Variants in FNIP2 observed in about 807,000 individuals in gnomAD.
FNIP2 encodes the protein folliculin interacting protein 2.
A neutral mutation model predicts 108.7 loss-of-function variants in FNIP2; 32 were observed. The observed-to-expected ratio is 0.29, with a 90% CI of 0.22 to 0.40. FNIP2 has a LOEUF of 0.40. FNIP2 is among the 10% of genes least tolerant of loss of function. The pLI, the probability that FNIP2 is intolerant of heterozygous loss-of-function variation, is 1.00. For synonymous variants in FNIP2, 480 were observed against 496.7 expected (o/e 0.97, Z 0.45); for missense variants, 1,202 against 1,381.6 (o/e 0.87, Z 2.06).
At chr4:158,780,164 C>T (rs916098776) in intron 1 of FNIP2, among the ~76,000 whole-genome samples, 20 of 151,476 alleles carry the variant, frequency 1.3e-4, no homozygotes, top group Non-Finnish European at 1.8e-4. Context: ...GCCATGATCG[C>T]ACCACTGTAC....
chr4:158,898,600 A>G (rs144446751), intron 16 of FNIP2, among the ~76,000 whole-genome samples: 47 of 152,266 alleles, frequency 3.1e-4, no homozygotes, highest in East Asian at 1.9e-3. Flanking sequence ...CTTTGTAGCA[A>G]TTGTGAATAG....
At position 158,859,672 on chromosome 4, in the gene FNIP2, G is replaced by C. The variant is rs754179597; in HGVS notation, c.1148+6G>C. 8 of 1,611,694 alleles carry C rather than the reference G, an allele frequency of 5.0e-6. No individual in the cohort carries two copies. Among genetic ancestry groups the C allele is most frequent in the Non-Finnish European group, 6.8e-6 (8 of 1,178,690 alleles). On this transcript the variant is annotated splice_donor_region_variant and intron_variant, in intron 10 of 16. Transcript: ENST00000264433. ...GAAGCTCTGGGAGAATTCAGGTAAA[G>C]TGGCAAAGTTTGGCAAATCCAACAG...
chr4:158,872,530 G>T, intron 14 of FNIP2: 1 of 985,358 alleles, frequency 1.0e-6, no homozygotes, highest in Non-Finnish European at 1.2e-6. Flanking sequence ...GTGTCAAATT[G>T]TGGGTACATC....
intron 3 of FNIP2, among the ~76,000 whole-genome samples, chr4:158,831,618 A>C (rs886352534): frequency 3.9e-5 from 6 of 152,214 alleles, no homozygotes; most frequent in Non-Finnish European, 7.3e-5. Context: ...ATGAACTCTA[A>C]TAAAACACTT....
chr4:158,871,575 G>A (rs1780950867), intron 14 of FNIP2: 1 of 985,162 alleles, frequency 1.0e-6, no homozygotes, highest in African/African-American at 1.7e-5. Context: ...TCCCTCAATG[G>A]GGAGGGCTAA....
At chr4:158,871,559 A>C (rs1780949837) in intron 14 of FNIP2, 2 of 985,258 alleles carry the variant, frequency 2.0e-6, no homozygotes, top group African/African-American at 3.5e-5. Flanking sequence ...AGATGTCAAC[A>C]TAACCTCCCT....
At chr4:158,862,666 G>A (rs138017972) in intron 12 of FNIP2, among the ~76,000 whole-genome samples, 3 of 152,318 alleles carry the variant, frequency 2.0e-5, no homozygotes, top group Non-Finnish European at 4.4e-5. Flanking sequence ...ACAAAGAAAT[G>A]ATAAAAGTTT....
At chr4:158,867,572 G>C (rs1193443499) in intron 12 of FNIP2, among the ~76,000 whole-genome samples, 1 of 152,196 alleles carries the variant, frequency 6.6e-6, no homozygotes, top group Non-Finnish European at 1.5e-5. Context: ...TAATCAAGCT[G>C]ATTCTACTTG....
intron 16 of FNIP2, among the ~76,000 whole-genome samples, chr4:158,901,508 G>A (rs997588261): frequency 1.3e-5 from 2 of 152,024 alleles, no homozygotes; most frequent in African/African-American, 4.8e-5. Context: ...GGTGTTCTCT[G>A]TATTTCCTGA....
intron 7 of FNIP2, among the ~76,000 whole-genome samples, chr4:158,839,605 C>T (rs1402602692): frequency 6.6e-6 from 1 of 152,070 alleles, no homozygotes; most frequent in Admixed American, 6.6e-5. Flanking sequence ...TGGGCTCAAG[C>T]AATTTTCCCA....
At chr4:158,863,943 T>G (rs528502472) in intron 12 of FNIP2, among the ~76,000 whole-genome samples, 1 of 152,352 alleles carries the variant, frequency 6.6e-6, no homozygotes, top group South Asian at 2.1e-4. Context: ...CTCAGAAGTT[T>G]ACATTGTATT....
chr4:158,866,670 G>T (rs1369204546), intron 12 of FNIP2, among the ~76,000 whole-genome samples: 1 of 151,834 alleles, frequency 6.6e-6, no homozygotes, highest in Non-Finnish European at 1.5e-5. Flanking sequence ...CTGCCTCCCG[G>T]GTTCAAGTTA....
chr4:158,786,228 T>C (rs1776219757), intron 1 of FNIP2, among the ~76,000 whole-genome samples: 1 of 152,226 alleles, frequency 6.6e-6, no homozygotes, highest in Non-Finnish European at 1.5e-5. Flanking sequence ...AAAAGACCAC[T>C]CTGTTTATAT....
At chr4:158,879,488 C>T (rs901841553) in intron 14 of FNIP2, among the ~76,000 whole-genome samples, 2 of 150,246 alleles carry the variant, frequency 1.3e-5, no homozygotes, top group African/African-American at 5.0e-5. Context: ...ACTGAAGCCC[C>T]TTTCGCTGAT....
intron 14 of FNIP2, chr4:158,890,437 A>C (rs981767817): frequency 2.4e-6 from 2 of 824,228 alleles, no homozygotes; most frequent in Non-Finnish European, 2.9e-6. Flanking sequence ...GTGAGAAGGA[A>C]TACAAAGCTG....
intron 1 of FNIP2, among the ~76,000 whole-genome samples, chr4:158,769,555 G>A (rs1413099062): frequency 6.6e-6 from 1 of 152,144 alleles, no homozygotes; most frequent in African/African-American, 2.4e-5. Flanking sequence ...CCATTTCAGA[G>A]TTCTCTTGTG....
chr4:158,844,143 TTTG>T (rs1307495495), intron 7 of FNIP2, among the ~76,000 whole-genome samples: 1 of 152,234 alleles, frequency 6.6e-6, no homozygotes, highest in Non-Finnish European at 1.5e-5. Flanking sequence ...AAGACTTTTG[TTTG>T]TTCTTCTTCT....
chr4:158,851,302 T>C lies in FNIP2; in HGVS notation c.728-19T>C, dbSNP rs1223526240. 1 of 1,613,760 alleles carries C rather than the reference T, an allele frequency of 6.2e-7. No individual in the cohort carries two copies. The highest frequency in any genetic ancestry group is 1.1e-5 in the South Asian group (1 of 91,034). ...GGACTAATTGACCTCAACTTTCAAATTCCAAATTCTTCCTACAGCCTCACT... is the reference window on the plus strand; with the variant it reads ...GGACTAATTGACCTCAACTTTCAAACTCCAAATTCTTCCTACAGCCTCACT... On this transcript the variant is annotated intron_variant, in intron 7 of 16. Coordinates refer to ENST00000264433, the MANE Select transcript of FNIP2 (RefSeq NM_020840.3).
At chr4:158,865,463 A>G (rs1780526703) in intron 12 of FNIP2, among the ~76,000 whole-genome samples, 1 of 152,190 alleles carries the variant, frequency 6.6e-6, no homozygotes, top group South Asian at 2.1e-4. Context: ...TCATTATTTT[A>G]TATAGTTTAA....
Sources: gnomAD v4.1 joint callset for allele counts (sites outside exome capture counted in the v4.1 genomes callset) on GRCh38, gnomAD v4.1.1 for gene constraint, MANE v1.5 for transcripts, NCBI Gene and HGNC (gene_info 2026-07-23, HGNC 2026-07-21) for gene names.